R3HDM2: variants seen among roughly 807,000 people sequenced by gnomAD.
The protein encoded by R3HDM2 is R3H domain-containing protein 2.
R3HDM2 carries 38 observed loss-of-function variants against 124.5 expected under a neutral mutation model. The observed-to-expected ratio is 0.31, with a 90% CI of 0.24 to 0.40. The LOEUF (loss-of-function observed/expected upper bound fraction) is 0.40. R3HDM2 is among the 10% of genes least tolerant of loss of function. The pLI, the probability that R3HDM2 is intolerant of heterozygous loss-of-function variation, is 1.00. For synonymous variants in R3HDM2, 391 were observed against 448.0 expected (o/e 0.87, Z 1.61); for missense variants, 869 against 1,236.9 (o/e 0.70, Z 4.46).
chr12:57,310,139 G>GT, intron 3 of R3HDM2, 125 bp downstream of exon 3: 2 of 594,250 alleles, frequency 3.4e-6, no homozygotes, highest in Non-Finnish European at 2.7e-6. Context: ...TGATGCAGGA[G>GT]TTTGAGGGTG....
chr12:57,284,151 T>C (rs2046815186), intron 12 of R3HDM2, 95 bp from the exon 13 acceptor site: 1 of 1,149,190 alleles, frequency 8.7e-7, no homozygotes, highest in African/African-American at 1.5e-5. Flanking sequence ...TAACAAAGAA[T>C]GGGTAAGAAT....
In R3HDM2 at chr12:57,268,402, A is replaced by C. The variant is rs2042927489; in HGVS notation, c.1931T>G (p.Met644Arg). 2 of 1,613,990 alleles carry C rather than the reference A, an allele frequency of 1.2e-6. No individual in the cohort carries two copies. The highest frequency in any genetic ancestry group is 2.2e-5 in the South Asian group (2 of 91,072). Residue 644 changes from methionine to arginine, a missense_variant, in exon 18 of 24, where the codon ATG becomes AGG. Physicochemically the swap from Met to Arg is moderately conservative, Grantham distance 91. This residue lies in a region of R3HDM2 where 602 missense variants were observed against 789.2 expected (regional missense o/e 0.76). Coordinates refer to ENST00000402412, the MANE Select transcript of R3HDM2 (RefSeq NM_001394031.1). ...CACAGACTGGCTCACAGGGACCAGCATGGGTTGCTGGAAAGGCGGCTGGAC... is the reference window on the plus strand; with the variant it reads ...CACAGACTGGCTCACAGGGACCAGCCTGGGTTGCTGGAAAGGCGGCTGGAC... ...NVVQPPFQQP[M>R]LVPVSQSVQG... is the part of the protein sequence containing the mutation.
chr12:57,325,302 C>T (rs899605362), intron 2 of R3HDM2, among the ~76,000 whole-genome samples: 2 of 152,134 alleles, frequency 1.3e-5, no homozygotes, highest in Non-Finnish European at 2.9e-5. Context: ...TACCACCATG[C>T]TTGGCTAATT....
intron 3 of R3HDM2, among the ~76,000 whole-genome samples, chr12:57,306,649 C>T (rs371340434): frequency 1.3e-3 from 199 of 152,164 alleles, no homozygotes; most frequent in Middle Eastern, 6.8e-3. Flanking sequence ...GATCTCATGA[C>T]CACTCACCTT....
intron 2 of R3HDM2, among the ~76,000 whole-genome samples, chr12:57,326,690 A>C (rs968953443): frequency 1.3e-5 from 2 of 152,242 alleles, no homozygotes; most frequent in African/African-American, 4.8e-5. Flanking sequence ...CAGTGTAGAC[A>C]AAAGAGCCTT....
intron 1 of R3HDM2, among the ~76,000 whole-genome samples, chr12:57,413,606 G>A (rs546640896): frequency 2.0e-5 from 3 of 151,380 alleles, no homozygotes; most frequent in African/African-American, 7.3e-5. Context: ...CATGGTGGCG[G>A]GCACCTGTAA....
chr12:57,295,863 A>T (rs958196753), intron 9 of R3HDM2, among the ~76,000 whole-genome samples: 22 of 151,930 alleles, frequency 1.4e-4, no homozygotes, highest in African/African-American at 4.8e-4. Context: ...CAAAATACTT[A>T]AAAAAATTTT....
At chr12:57,359,160 A>T (rs1007544727) in intron 2 of R3HDM2, among the ~76,000 whole-genome samples, 2 of 151,670 alleles carry the variant, frequency 1.3e-5, no homozygotes, top group Non-Finnish European at 2.9e-5. Context: ...CAAATGATCC[A>T]ACCACCTCGG....
intron 2 of R3HDM2, among the ~76,000 whole-genome samples, chr12:57,333,913 G>A (rs1412584095): frequency 2.6e-5 from 4 of 151,632 alleles, no homozygotes; most frequent in African/African-American, 7.3e-5. Context: ...GTGGTGGCAC[G>A]TGCCTGTAAT....
chr12:57,422,254 G>A (rs369119467), intron 1 of R3HDM2, among the ~76,000 whole-genome samples: 109 of 152,062 alleles, frequency 7.2e-4, no homozygotes, highest in South Asian at 6.4e-3. Context: ...ATTGCTATAA[G>A]AGATATTTTT....
intron 1 of R3HDM2, chr12:57,418,453 T>G (rs1224596331): frequency 2.5e-6 from 1 of 405,894 alleles, no homozygotes; most frequent in East Asian, 1.6e-4. Context: ...TTAGCCTATC[T>G]TTGATGGACA....
At chr12:57,402,574 G>A (rs2068137648) in intron 1 of R3HDM2, among the ~76,000 whole-genome samples, 1 of 151,408 alleles carries the variant, frequency 6.6e-6, no homozygotes, top group Non-Finnish European at 1.5e-5. Flanking sequence ...TGGCCTCCCA[G>A]CCTGACCAAA....
intron 2 of R3HDM2, among the ~76,000 whole-genome samples, chr12:57,320,290 C>CAAAAAAAAAAAAAAAAA (rs1311798960): frequency 3.1e-5 from 1 of 31,798 alleles, no homozygotes; most frequent in Non-Finnish European, 9.3e-5. Flanking sequence ...AAAAAAAAAG[C>CAAAAAAAAAAAAAAAAA]CTTAAACAGC....
chr12:57,371,021 G>A (rs1413328108), intron 2 of R3HDM2, among the ~76,000 whole-genome samples: 1 of 144,726 alleles, frequency 6.9e-6, no homozygotes, highest in African/African-American at 2.5e-5. Context: ...AATTTGTTCT[G>A]GTTCAAAATA....
chr12:57,411,850 G>T (rs887835007), intron 1 of R3HDM2, among the ~76,000 whole-genome samples: 1 of 152,160 alleles, frequency 6.6e-6, no homozygotes, highest in African/African-American at 2.4e-5. Flanking sequence ...GTAATACCTG[G>T]GTGTTGACGG....
At chr12:57,325,709 TA>T (rs1344884905) in intron 2 of R3HDM2, among the ~76,000 whole-genome samples, 2 of 114,960 alleles carry the variant, frequency 1.7e-5, no homozygotes, top group Admixed American at 8.7e-5. Flanking sequence ...TATCCTTAGC[TA>T]ATTTTTTTTT....
At chr12:57,377,413 C>T (rs912324106) in intron 2 of R3HDM2, among the ~76,000 whole-genome samples, 6 of 152,072 alleles carry the variant, frequency 3.9e-5, no homozygotes, top group African/African-American at 1.4e-4. Flanking sequence ...CATATTAACT[C>T]CTCCCAAATT....
At chr12:57,396,188 C>T (rs892696505) in intron 1 of R3HDM2, among the ~76,000 whole-genome samples, 1 of 152,224 alleles carries the variant, frequency 6.6e-6, no homozygotes, top group Non-Finnish European at 1.5e-5. Context: ...GCCTGTAATC[C>T]CAGCACTTTG....
intron 2 of R3HDM2, among the ~76,000 whole-genome samples, chr12:57,312,334 A>G: frequency 7.0e-6 from 1 of 141,912 alleles, no homozygotes; most frequent in Admixed American, 7.2e-5. Context: ...TTGAGACAGG[A>G]TCTCACTCTG....
Sources: gnomAD v4.1 joint callset for allele counts (sites outside exome capture counted in the v4.1 genomes callset) on GRCh38, gnomAD v4.1.1 for gene constraint, gnomAD v4.1.1 regional missense constraint, MANE v1.5 for transcripts, NCBI Gene and HGNC (gene_info 2026-07-23, HGNC 2026-07-21) for gene names.